TTLL9: variants seen among roughly 807,000 people sequenced by gnomAD.
The protein encoded by TTLL9 is probable tubulin polyglutamylase TTLL9.
In TTLL9, 47 loss-of-function variants were observed where a neutral mutation model predicts 65.6. The observed-to-expected ratio is 0.72, with a 90% confidence interval of 0.57 to 0.91. The LOEUF is 0.91. Among genes scored for constraint, TTLL9 ranks in the 40% least tolerant of loss-of-function variants. The pLI is 0.00. For synonymous variants in TTLL9, 179 were observed against 204.8 expected (o/e 0.87, Z 1.07); for missense variants, 537 against 568.8 (o/e 0.94, Z 0.57).
intron 2 of TTLL9, among the ~76,000 whole-genome samples, chr20:31,886,435 T>C (rs1247961189): frequency 6.6e-6 from 1 of 152,194 alleles, no homozygotes; most frequent in Non-Finnish European, 1.5e-5. Context: ...AAAGGTCCAA[T>C]TGGGGTGAAA....
chr20:31,931,488 C>A (rs1398633225), intron 10 of TTLL9, among the ~76,000 whole-genome samples: 1 of 152,248 alleles, frequency 6.6e-6, no homozygotes, highest in Admixed American at 6.5e-5. Context: ...GTTGCCCAGG[C>A]AGGTCTTGAA....
intron 2 of TTLL9, among the ~76,000 whole-genome samples, chr20:31,884,986 T>G (rs1284442549): frequency 5.3e-5 from 8 of 152,196 alleles, no homozygotes; most frequent in Non-Finnish European, 1.2e-4. Context: ...ATCAAATACC[T>G]ATGAATGAAT....
At chr20:31,911,835 T>TGC (rs2063655108) in intron 6 of TTLL9, among the ~76,000 whole-genome samples, 1 of 12,594 alleles carries the variant, frequency 7.9e-5, no homozygotes, top group Non-Finnish European at 2.0e-4. Context: ...TCTGTGCGTG[T>TGC]GTGTGTGTGT....
intron 2 of TTLL9, among the ~76,000 whole-genome samples, chr20:31,886,543 G>C (rs958243516): frequency 2.0e-5 from 3 of 150,652 alleles, no homozygotes; most frequent in African/African-American, 7.3e-5. Context: ...AGATCAGCTG[G>C]GTACGGTGGC....
chr20:31,911,157 A>G (rs933775456), intron 6 of TTLL9, among the ~76,000 whole-genome samples: 1 of 152,038 alleles, frequency 6.6e-6, no homozygotes, highest in African/African-American at 2.4e-5. Flanking sequence ...CCTGGGTGAG[A>G]GAGTGAGACT....
chr20:31,872,853 G>T (rs1194547007), intron 2 of TTLL9, among the ~76,000 whole-genome samples: 1 of 152,218 alleles, frequency 6.6e-6, no homozygotes, highest in Non-Finnish European at 1.5e-5. Flanking sequence ...TTAAGAGGAC[G>T]GTTCAGGGCC....
chr20:31,927,859 T>C (rs1263389630), intron 10 of TTLL9, among the ~76,000 whole-genome samples: 1 of 152,196 alleles, frequency 6.6e-6, no homozygotes, highest in Non-Finnish European at 1.5e-5. Flanking sequence ...TTCAGTTGAG[T>C]GCGTGTCCAA....
At chr20:31,916,161 C>T (rs1400030369) in intron 6 of TTLL9, among the ~76,000 whole-genome samples, 3 of 152,156 alleles carry the variant, frequency 2.0e-5, no homozygotes, top group East Asian at 3.9e-4. Context: ...GGCTTCCTCA[C>T]GGGATGGCTG....
intron 2 of TTLL9, among the ~76,000 whole-genome samples, chr20:31,882,646 C>T (rs1179410022): frequency 6.6e-6 from 1 of 152,018 alleles, no homozygotes; most frequent in African/African-American, 2.4e-5. Flanking sequence ...ACTCTTGTAG[C>T]CTTGTCTTTT....
At chr20:31,942,848 C>A in intron 14 of TTLL9, 97 bp from the exon 15 acceptor site, 1 of 1,198,376 alleles carries the variant, frequency 8.3e-7, no homozygotes, top group Non-Finnish European at 1.2e-6. Flanking sequence ...TTGTCTGACT[C>A]CCGCTGTCCC....
intron 9 of TTLL9, chr20:31,925,736 G>A: frequency 2.8e-6 from 2 of 707,298 alleles, no homozygotes; most frequent in South Asian, 1.8e-5. Context: ...GTAAAAGCAG[G>A]TGCCTGAAGG....
intron 2 of TTLL9, among the ~76,000 whole-genome samples, chr20:31,880,970 C>G (rs1427474889): frequency 1.3e-5 from 2 of 149,212 alleles, no homozygotes; most frequent in Non-Finnish European, 3.0e-5. Context: ...CCCTCTGCTT[C>G]CCAAGTAGCT....
rs1391200901 is a variant in TTLL9 at position 31,870,855 on chromosome 20, C to T, written c.-100C>T. 3.7e-6 allele frequency: 2 copies of T among 545,146 alleles called. No individual in the cohort carries two copies. Among genetic ancestry groups the T allele is most frequent in the Non-Finnish European group, 6.4e-6 (2 of 310,560 alleles). 33.8% of individuals were successfully genotyped at this position (545,146 alleles called of 1,614,324 possible). A position where few individuals can be genotyped will look rare whatever the true frequency, so the allele number is the denominator to read the frequency against. On this transcript the variant is annotated 5_prime_UTR_variant, in exon 1 of 15. Coordinates refer to ENST00000535842, the MANE Select transcript of TTLL9 (RefSeq NM_001008409.5). The surrounding 1 kb of genome is among the most constrained non-coding windows in gnomAD (Gnocchi z 6.6). ...GCGGGCCCCGGGGGAAAGCACCCAA[C>T]TTCTCCCGCCTCGGCTTCTAGCAGA...
In TTLL9 at chr20:31,943,845, T is replaced by C; in HGVS notation, c.*824T>C. The C allele has an allele frequency of 8.8e-6, 4 of 456,424 alleles. No individual in the cohort carries two copies. Among genetic ancestry groups the C allele is most frequent in the South Asian group, 6.2e-5 (4 of 64,546 alleles). 28.3% of individuals were successfully genotyped at this position (456,424 alleles called of 1,614,324 possible). Reference sequence around the variant, plus strand: ...GGGCAGGACAGCTTCGGGAGTTGAGTGTGAGTAAAAATCTGCCTTTTCACA... The same window carrying C: ...GGGCAGGACAGCTTCGGGAGTTGAGCGTGAGTAAAAATCTGCCTTTTCACA... On this transcript the variant is annotated 3_prime_UTR_variant, in exon 15 of 15. Coordinates refer to ENST00000535842, the MANE Select transcript of TTLL9 (RefSeq NM_001008409.5).
chr20:31,922,319 T>G (rs895110028), intron 7 of TTLL9, among the ~76,000 whole-genome samples: 2 of 152,112 alleles, frequency 1.3e-5, no homozygotes, highest in African/African-American at 2.4e-5. Flanking sequence ...CCATTGTAAC[T>G]TCTTTTAAGT....
intron 3 of TTLL9, among the ~76,000 whole-genome samples, chr20:31,890,038 CCTTCCT>C (rs2063272068): frequency 4.3e-5 from 6 of 139,964 alleles, no homozygotes; most frequent in Admixed American, 1.5e-4. Context: ...TTCTTTCCTT[CCTTCCT>C]TCTTTCTTTC....
At chr20:31,912,398 G>A (rs1020717642) in intron 6 of TTLL9, among the ~76,000 whole-genome samples, 1 of 152,090 alleles carries the variant, frequency 6.6e-6, no homozygotes, top group African/African-American at 2.4e-5. Context: ...TTTGAGTATC[G>A]AGATTGTGGA....
intron 3 of TTLL9, among the ~76,000 whole-genome samples, chr20:31,898,037 C>A (rs2063411009): frequency 6.6e-6 from 1 of 152,180 alleles, no homozygotes. Flanking sequence ...GTCCTGAAAT[C>A]TCCAGCCAGT....
intron 6 of TTLL9, among the ~76,000 whole-genome samples, chr20:31,912,620 TG>T (rs2063674092): frequency 6.6e-6 from 1 of 150,586 alleles, no homozygotes; most frequent in African/African-American, 2.4e-5. Context: ...TGTGTGTGTG[TG>T]TGTGTGTGTG....
Sources: allele counts gnomAD v4.1 joint callset (sites outside exome capture counted in the v4.1 genomes callset), GRCh38; gene constraint gnomAD v4.1.1; non-coding constraint Gnocchi (gnomAD v3.1); transcripts MANE v1.5; gene names NCBI Gene and HGNC (gene_info 2026-07-23, HGNC 2026-07-21).